Variants in CCDC158 observed in about 807,000 individuals in gnomAD.
The protein encoded by CCDC158 is coiled-coil domain containing 158, also known as coiled-coil domain-containing protein 158.
A neutral mutation model predicts 138.6 loss-of-function variants in CCDC158; 116 were observed. That is an observed-to-expected ratio of 0.84 (90% CI 0.72 to 0.98). CCDC158 has a LOEUF of 0.98. CCDC158 is among the 50% of genes least tolerant of loss of function. CCDC158 has a pLI of 0.00. For synonymous variants in CCDC158, 436 were observed against 442.4 expected, an observed-to-expected ratio of 0.99 and a Z score of 0.18; for missense variants, 1,265 against 1,306.1, an observed-to-expected ratio of 0.97 and a Z score of 0.48.
At chr4:76,333,324 G>A (rs1407306755) in intron 19 of CCDC158, among the ~76,000 whole-genome samples, 1 of 151,844 alleles carries the variant, frequency 6.6e-6, no homozygotes, top group African/African-American at 2.4e-5. Context: ...TACAATAATG[G>A]GCTATTATAA....
intron 3 of CCDC158, among the ~76,000 whole-genome samples, chr4:76,397,240 A>G (rs991117522): frequency 6.6e-6 from 1 of 152,040 alleles, no homozygotes; most frequent in African/African-American, 2.4e-5. Context: ...GAAGAATAAA[A>G]CAGAAACTCA....
At chr4:76,377,742 G>A (rs1241894028) in intron 9 of CCDC158, among the ~76,000 whole-genome samples, 6 of 152,150 alleles carry the variant, frequency 3.9e-5, no homozygotes, top group Admixed American at 3.9e-4. Context: ...AGCAGTCTAA[G>A]GTTGCTTAAG....
chr4:76,380,699 G>T (rs1001758576), intron 8 of CCDC158, among the ~76,000 whole-genome samples: 10 of 151,810 alleles, frequency 6.6e-5, no homozygotes, highest in Non-Finnish European at 1.2e-4. Flanking sequence ...GCCGGCTGCA[G>T]AAATTTGCAT....
intron 20 of CCDC158, 49 bp downstream of exon 20, chr4:76,332,383 T>A (rs1560792783): frequency 6.7e-7 from 1 of 1,482,644 alleles, no homozygotes; most frequent in Admixed American, 1.7e-5. Flanking sequence ...AGGCCACATA[T>A]AAAATATTTG....
chr4:76,418,425 T>C (rs1222828479), intron 1 of CCDC158, among the ~76,000 whole-genome samples: 1 of 152,184 alleles, frequency 6.6e-6, no homozygotes, highest in African/African-American at 2.4e-5. Context: ...GTATGTAAAT[T>C]ATACCTTATA....
At chr4:76,366,052 G>A (rs1724624080) in intron 12 of CCDC158, among the ~76,000 whole-genome samples, 1 of 152,190 alleles carries the variant, frequency 6.6e-6, no homozygotes, top group Non-Finnish European at 1.5e-5. Flanking sequence ...AAGTTTTAGA[G>A]TATAAGAGTG....
Position 76,394,816 on chromosome 4 carries a change from A to C in CCDC158, c.288+1453T>G, listed in dbSNP as rs80307906. Among the ~76,000 whole-genome samples, 5 of 152,208 alleles carry C rather than the reference A, an allele frequency of 3.3e-5. No individual in the cohort carries two copies. The East Asian group carries it at 7.7e-4, about 24-fold the overall frequency. On this transcript the variant is annotated intron_variant, in intron 4 of 24. Transcript: ENST00000682701. ...TAGAAAACAGTGATTCCTGGAAACC[A>C]TGGATCCAACCTGGAAAGTAGTGGC...
Position 76,379,290 on chromosome 4 carries a change from C to G in CCDC158, c.1029G>C (p.Lys343Asn). The G allele has an allele frequency of 1.3e-6, 2 of 1,588,508 alleles. No homozygotes were observed. The highest frequency in any genetic ancestry group is 1.7e-6 in the Non-Finnish European group (2 of 1,166,076). ...ACAGACCAGCAAAACCTAAACTCAC[C>G]TTGTCTTCATACATCCTTTTGGCTT... is the stretch of plus-strand genomic sequence containing the variant. ...LREAKRMYED[K>N]TEELEKQLVL... Residue 343 changes from lysine to asparagine, a missense_variant and splice_region_variant, in exon 9 of 25, where the codon AAG (lysine) becomes AAC (asparagine). Lys to Asn is a moderately conservative substitution (Grantham distance 94). Coordinates refer to ENST00000682701, the MANE Select transcript of CCDC158 (RefSeq NM_001394954.1).
chr4:76,363,967 T>C (rs997231915), intron 12 of CCDC158, among the ~76,000 whole-genome samples: 4 of 152,064 alleles, frequency 2.6e-5, no homozygotes, highest in Admixed American at 2.0e-4. Context: ...TGGTTTGTGG[T>C]GGTGAAAGTA....
intron 21 of CCDC158, among the ~76,000 whole-genome samples, chr4:76,329,482 G>C (rs1022188630): frequency 1.3e-5 from 2 of 152,158 alleles, no homozygotes; most frequent in Admixed American, 1.3e-4. Context: ...TACTCAGGAG[G>C]CTGAGGCAGG....
chr4:76,382,809 C>A lies in CCDC158; in HGVS notation c.804-89G>T, dbSNP rs1726399105. The A allele has an allele frequency of 3.5e-6, 3 of 853,814 alleles. No individual in the cohort carries two copies. In the South Asian group the frequency reaches 5.2e-5, roughly 15 times the overall value. The allele number at this position is 853,814 out of a possible 1,614,324, so 52.9% of individuals were successfully genotyped here. On this transcript the variant is annotated intron_variant, in intron 7 of 24. Transcript: ENST00000682701. ...AAAAATTAATGATTTTCAATACTCT[C>A]AAATTTAGTATTTTGCTTTGCTTTT...
Position 76,345,130 on chromosome 4 carries a change from A to G in CCDC158, c.2664+5866T>C. 5.4e-6 allele frequency: 6 copies of G among 1,117,878 alleles called. No individual in the cohort carries two copies. The South Asian group carries it at 6.2e-5, about 11-fold the overall frequency. The allele number at this position is 1,117,878 out of a possible 1,614,324, so 69.2% of individuals were successfully genotyped here. On this transcript the variant is annotated intron_variant, in intron 18 of 24. Transcript: ENST00000682701. ...TATATCCACACTGCAGCCTGCTTAC[A>G]TTGCCTGGCTTTAGAAGAGCCCACA...
chr4:76,329,236 T>C (rs1720801433), intron 21 of CCDC158, among the ~76,000 whole-genome samples: 1 of 152,168 alleles, frequency 6.6e-6, no homozygotes, highest in Non-Finnish European at 1.5e-5. Context: ...AGCTATAAAA[T>C]CCACGTCATC....
In CCDC158 at chr4:76,313,550, A is replaced by G. The variant is rs145898338; in HGVS notation, c.3278-304T>C. ...AGCAATCCTCCTGCCTCGGTCTCCC[A>G]AAGTGTCAGGATTACAGACATAAGC... is the stretch of plus-strand genomic sequence containing the variant. On this transcript the variant is annotated intron_variant, in intron 24 of 24. Transcript: ENST00000682701. 7.2e-4 allele frequency among the ~76,000 whole-genome samples: 110 copies of G among 152,318 alleles called. 1 individual carries two copies. The highest frequency in any genetic ancestry group is 1.8e-3 in the African/African-American group (74 of 41,580).
At chr4:76,337,613 T>C (rs1721640044) in intron 18 of CCDC158, among the ~76,000 whole-genome samples, 1 of 151,732 alleles carries the variant, frequency 6.6e-6, no homozygotes, top group Non-Finnish European at 1.5e-5. Context: ...ACGCCTGTAA[T>C]CCCAGCTACT....
At chr4:76,407,164 A>T (rs999256244) in intron 2 of CCDC158, 23 of 152,212 alleles carry the variant, frequency 1.5e-4, no homozygotes, top group South Asian at 4.1e-4. Flanking sequence ...CTAAAAATTT[A>T]AAAAAACCCT....
intron 14 of CCDC158, among the ~76,000 whole-genome samples, chr4:76,355,947 C>T (rs1170396568): frequency 1.3e-5 from 2 of 151,868 alleles, no homozygotes; most frequent in Non-Finnish European, 2.9e-5. Context: ...TTTAAAGGGT[C>T]CAGTGATATC....
chr4:76,382,754 C>G, intron 7 of CCDC158, 34 bp from the exon 8 acceptor site: 1 of 1,319,602 alleles, frequency 7.6e-7, no homozygotes, highest in Non-Finnish European at 1.1e-6. Flanking sequence ...TCATTTGATA[C>G]AGAAGATTTT....
chr4:76,322,512 T>C (rs1295124648), intron 24 of CCDC158, among the ~76,000 whole-genome samples: 2 of 152,216 alleles, frequency 1.3e-5, no homozygotes, highest in Admixed American at 6.5e-5. Context: ...AAGTGCTCAA[T>C]TAAGTGTAAA....
Sources: gnomAD v4.1 joint callset for allele counts (sites outside exome capture counted in the v4.1 genomes callset) on GRCh38, gnomAD v4.1.1 for gene constraint, MANE v1.5 for transcripts, NCBI Gene and HGNC (gene_info 2026-07-23, HGNC 2026-07-21) for gene names.